The following ZNF311 variants were observed in gnomAD, a reference collection of about 807,000 sequenced individuals.
The protein encoded by ZNF311 is zinc finger protein zfp31.
Under a neutral mutation model 22.7 loss-of-function variants are expected in ZNF311, and 14 were observed. The ratio of observed to expected loss-of-function variants is 0.62; its 90% CI spans 0.41 to 0.96. ZNF311 has a LOEUF of 0.96. ZNF311 is among the 40% of genes least tolerant of loss of function. ZNF311 has a pLI of 0.00. For synonymous variants in ZNF311, 250 were observed against 275.3 expected (o/e 0.91, Z 0.91); for missense variants, 731 against 799.0 (o/e 0.91, Z 1.03).
Position 29,004,183 on chromosome 6 carries a change from A to C in ZNF311, c.-229T>G. 7.0e-7 allele frequency: 1 copy of C among 1,437,432 alleles called. No homozygotes were observed. The highest frequency in any genetic ancestry group is 9.1e-7 in the Non-Finnish European group (1 of 1,100,948). The allele number at this position is 1,437,432 out of a possible 1,614,324, so 89.0% of individuals were successfully genotyped here. On this transcript the variant is annotated 5_prime_UTR_variant, in exon 2 of 7. Coordinates refer to ENST00000377179, the MANE Select transcript of ZNF311 (RefSeq NM_001382360.1). ...CCTGGATTTGGGGTTCATTAGCAACACTAAACCGCTGTGATCTCACATCTT... is the reference window on the plus strand; with the variant it reads ...CCTGGATTTGGGGTTCATTAGCAACCCTAAACCGCTGTGATCTCACATCTT...
intron 5 of ZNF311, among the ~76,000 whole-genome samples, chr6:28,999,098 T>A (rs1005357370): frequency 1.3e-5 from 2 of 151,262 alleles, no homozygotes; most frequent in South Asian, 2.1e-4. Context: ...TTTTTTTTTT[T>A]AATTTTATTT....
In ZNF311 at chr6:28,995,306, G is replaced by A; in HGVS notation, c.1696C>T (p.His566Tyr). ...KCEVCGMAFH[H>Y]SSVLRQHKRI... ...TTGTGCTGCCTCAGGACTGAACTATGATGGAAGGCCATTCCACATACCTCA... is the reference window on the plus strand; with the variant it reads ...TTGTGCTGCCTCAGGACTGAACTATAATGGAAGGCCATTCCACATACCTCA... Residue 566 changes from histidine to tyrosine, a missense_variant, in exon 7 of 7, where the codon CAT becomes TAT. Coordinates refer to ENST00000377179, the MANE Select transcript of ZNF311 (RefSeq NM_001382360.1). The surrounding 1 kb of genome is among the most constrained non-coding windows in gnomAD (Gnocchi z 4.7). The A allele has an allele frequency of 6.2e-7, 1 of 1,613,904 alleles. No individual in the cohort carries two copies. Among genetic ancestry groups the A allele is most frequent in the Non-Finnish European group, 8.5e-7 (1 of 1,180,030 alleles).
At position 28,995,142 on chromosome 6, in the gene ZNF311, A is replaced by G; in HGVS notation, c.1860T>C (p.Phe620=). ...GTCCAGTAAGATTTGAGCTCACTCT[A>G]AAAGCTTTTCCACATTCCTCACATT... ...PYECEECGKA[F]RVSSNLTGHK... Residue 620 remains phenylalanine (F), a synonymous_variant, in exon 7 of 7, where the codon TTT becomes TTC. Coordinates refer to ENST00000377179, the MANE Select transcript of ZNF311 (RefSeq NM_001382360.1). The surrounding 1 kb of genome is among the most constrained non-coding windows in gnomAD (Gnocchi z 4.7). The G allele has an allele frequency of 6.2e-7, 1 of 1,614,034 alleles. No homozygotes were observed. Among genetic ancestry groups the G allele is most frequent in the Non-Finnish European group, 8.5e-7 (1 of 1,180,040 alleles).
In ZNF311 at chr6:28,999,581, G is replaced by C. The variant is rs1394422473; in HGVS notation, c.216C>G (p.Asn72Lys). ...ESVTFEDVAVNFTNREWQCLT... is the reference protein window; with the variant it reads ...ESVTFEDVAVKFTNREWQCLT... ...GACACTGCCACTCCCTGTTAGTGAA[G>C]TTCACAGCTACATCCTCAAATGTCA... Residue 72 changes from asparagine (N) to lysine (K), a missense_variant, in exon 5 of 7, where the codon AAC (asparagine) becomes AAG (lysine). By Grantham distance (94) the Asn-to-Lys change is moderately conservative (BLOSUM62 0). Coordinates refer to ENST00000377179, the MANE Select transcript of ZNF311 (RefSeq NM_001382360.1). The C allele has an allele frequency of 1.9e-6, 3 of 1,613,640 alleles. No individual in the cohort carries two copies. The African/African-American group carries it at 4.0e-5, about 22-fold the overall frequency.
Position 29,004,158 on chromosome 6 carries a change from C to G in ZNF311, c.-204G>C. ...TTTGGCTTAATGTGTCAAACACTGC[C>G]CTGGATTTGGGGTTCATTAGCAACA... On this transcript the variant is annotated 5_prime_UTR_variant, in exon 2 of 7. Coordinates refer to ENST00000377179, the MANE Select transcript of ZNF311 (RefSeq NM_001382360.1). The G allele has an allele frequency of 6.9e-7, 1 of 1,458,078 alleles. No homozygotes were observed. Among genetic ancestry groups the G allele is most frequent in the Non-Finnish European group, 9.0e-7 (1 of 1,109,974 alleles). 90.3% of individuals were successfully genotyped at this position (1,458,078 alleles called of 1,614,324 possible).
chr6:29,003,357 T>A (rs1242052475), intron 3 of ZNF311, among the ~76,000 whole-genome samples, 156 bp downstream of exon 3: 1 of 152,206 alleles, frequency 6.6e-6, no homozygotes, highest in African/African-American at 2.4e-5. Context: ...CTCTAGATAT[T>A]GATCCAAGCC....
intron 2 of ZNF311, 100 bp downstream of exon 2, chr6:29,003,846 T>C: frequency 6.2e-7 from 1 of 1,611,206 alleles, no homozygotes; most frequent in East Asian, 2.2e-5. Context: ...CAACAGTATC[T>C]AGAGTCAGAC....
intron 6 of ZNF311, among the ~76,000 whole-genome samples, chr6:28,997,986 A>G (rs1779869060): frequency 6.6e-6 from 1 of 152,140 alleles, no homozygotes; most frequent in African/African-American, 2.4e-5. Flanking sequence ...TCTACTACTT[A>G]TGAACCTCCC....
rs1779637678 is a variant in ZNF311, at chr6:28,996,560, T to G, written c.442A>C (p.Asn148His). ...PVSADKMWPE[N>H]EKASSQQEIF... is the part of the protein sequence containing the mutation. ...TCTTGTTGTGAACTTGCCTTTTCAT[T>G]CTCAGGCCACATCTTGTCAGCTGAC... Residue 148 changes from asparagine (N) to histidine (H), a missense_variant, in exon 7 of 7, where the codon AAT becomes CAT. Asn to His is a moderately conservative substitution (Grantham distance 68, BLOSUM62 1). Transcript: ENST00000377179. 6.2e-7 allele frequency: 1 copy of G among 1,600,742 alleles called. No homozygotes were observed. The highest frequency in any genetic ancestry group is 1.7e-5 in the Admixed American group (1 of 58,994).
chr6:28,994,864 G>A lies in ZNF311; in HGVS notation c.*137C>T. ...TAAATGTGCTCACTGAAAAAATAGT[G>A]AATAAGAAGGTAAAGGACAATGTCT... On this transcript the variant is annotated 3_prime_UTR_variant, in exon 7 of 7. Coordinates refer to ENST00000377179, the MANE Select transcript of ZNF311 (RefSeq NM_001382360.1). The A allele has an allele frequency of 1.0e-6, 1 of 992,372 alleles. No individual in the cohort carries two copies. Among genetic ancestry groups the A allele is most frequent in the Non-Finnish European group, 1.4e-6 (1 of 703,278 alleles). 61.5% of individuals were successfully genotyped at this position (992,372 alleles called of 1,614,324 possible).
At position 29,002,620 on chromosome 6, in the gene ZNF311, A is replaced by ATT. The variant is rs35452431; in HGVS notation, c.91+891_91+892dup. 4.0e-3 allele frequency among the ~76,000 whole-genome samples: 534 copies of ATT among 132,824 alleles called. 5 individuals carry two copies. Among genetic ancestry groups the ATT allele is most frequent in the Middle Eastern group, 0.033 (8 of 244 alleles). 87.1% of individuals were successfully genotyped at this position (132,824 alleles called of 152,430 possible). On this transcript the variant is annotated intron_variant, in intron 3 of 6. Coordinates refer to ENST00000377179, the MANE Select transcript of ZNF311 (RefSeq NM_001382360.1). ...CTCCTAGGTTGCACCTCCAACAGCA[A>ATT]TTTTTTTTTTTTTTTTTTTAGACAG... is the stretch of plus-strand genomic sequence containing the variant.
In ZNF311 at chr6:28,994,974, CAG is replaced by C. The variant is rs1408765802; in HGVS notation, c.*25_*26del. 1.3e-6 allele frequency: 2 copies of C among 1,552,278 alleles called. No homozygotes were observed. The highest frequency in any genetic ancestry group is 1.4e-5 in the African/African-American group (1 of 72,994). ...GGACCAGCCTAAGAGGTAGGAAAAA[CAG>C]AAAGTAACACCAGAATCGTTATACT... On this transcript the variant is annotated 3_prime_UTR_variant, in exon 7 of 7. Coordinates refer to ENST00000377179, the MANE Select transcript of ZNF311 (RefSeq NM_001382360.1).
At chr6:29,002,350 AT>A (rs1233678944) in intron 3 of ZNF311, among the ~76,000 whole-genome samples, 2 of 152,128 alleles carry the variant, frequency 1.3e-5, no homozygotes, top group Non-Finnish European at 2.9e-5. Context: ...ATTATTTTTT[AT>A]TTCTAAATCT....
Position 28,994,822 on chromosome 6 carries a change from TGATA to T in ZNF311, c.*175_*178del. 1.5e-6 allele frequency: 1 copy of T among 662,898 alleles called. No individual in the cohort carries two copies. Among genetic ancestry groups the T allele is most frequent in the African/African-American group, 1.8e-5 (1 of 55,376 alleles). The allele number at this position is 662,898 out of a possible 1,614,324, so 41.1% of individuals were successfully genotyped here. Reference sequence around the variant, plus strand: ...GTGTTTATTAATATTAGGAAGTGATTGATAAACTCTTGGAAGTAAATGTGCTCAC... The same window carrying T: ...GTGTTTATTAATATTAGGAAGTGATTAACTCTTGGAAGTAAATGTGCTCAC... On this transcript the variant is annotated 3_prime_UTR_variant, in exon 7 of 7. Coordinates refer to ENST00000377179, the MANE Select transcript of ZNF311 (RefSeq NM_001382360.1).
In ZNF311 at chr6:28,995,868, G is replaced by A. The variant is rs771498517; in HGVS notation, c.1134C>T (p.Gly378=). 5 of 1,613,828 alleles carry A rather than the reference G, an allele frequency of 3.1e-6. No homozygotes were observed. The highest frequency in any genetic ancestry group is 1.7e-4 in the Middle Eastern group (1 of 6,060). ...ATGGCTTCTCCCCAGTGTGGATTCT[G>A]CCATGGATGGTAAGGGAATGCTTAA... is the stretch of plus-strand genomic sequence containing the variant. ...FQFKHSLTIH[G]RIHTGEKPYE... is the part of the protein sequence containing the mutation. Residue 378 remains glycine, a synonymous_variant, in exon 7 of 7, where the codon GGC becomes GGT. Transcript: ENST00000377179. This position sits in a 1 kb window ranked among gnomAD's most constrained non-coding sequence, Gnocchi z 4.7.
rs1219348128 is a variant in ZNF311 at position 28,995,186 on chromosome 6, T to C, written c.1816A>G (p.Thr606Ala). The C allele has an allele frequency of 6.2e-7, 1 of 1,614,122 alleles. No homozygotes were observed. The highest frequency in any genetic ancestry group is 1.1e-5 in the South Asian group (1 of 91,078). ...TCACATTCATAAGGTTTCTCCCCAG[T>C]ATGAACTCGCTTATGTCCAATCAGA... Reference protein sequence around the residue: ...SALIGHKRVHTGEKPYECEEC... With the variant: ...SALIGHKRVHAGEKPYECEEC... The change falls in exon 7 of 7, where the codon ACT becomes GCT. Residue 606 changes from threonine to alanine, a missense_variant. Physicochemically the swap from Thr to Ala is moderately conservative, Grantham distance 58. Coordinates refer to ENST00000377179, the MANE Select transcript of ZNF311 (RefSeq NM_001382360.1). This position sits in a 1 kb window ranked among gnomAD's most constrained non-coding sequence, Gnocchi z 4.7.
chr6:29,004,307 T>A, intron 1 of ZNF311, 93 bp from the exon 2 acceptor site: 1 of 889,248 alleles, frequency 1.1e-6, no homozygotes, highest in Non-Finnish European at 1.5e-6. Context: ...ACTGAAAATG[T>A]GAACATATCC....
chr6:28,998,860 G>A (rs931702104), intron 5 of ZNF311, 22 bp from the exon 6 acceptor site: 5 of 1,546,780 alleles, frequency 3.2e-6, no homozygotes, highest in Non-Finnish European at 4.5e-6. Flanking sequence ...GAAGAAATAA[G>A]TGTGTAGAGT....
In ZNF311 at chr6:29,004,170, G is replaced by T; in HGVS notation, c.-216C>A. 2.1e-6 allele frequency: 3 copies of T among 1,445,950 alleles called. No individual in the cohort carries two copies. Among genetic ancestry groups the T allele is most frequent in the Non-Finnish European group, 2.7e-6 (3 of 1,104,826 alleles). The allele number at this position is 1,445,950 out of a possible 1,614,324, so 89.6% of individuals were successfully genotyped here. ...TGTCAAACACTGCCCTGGATTTGGG[G>T]TTCATTAGCAACACTAAACCGCTGT... On this transcript the variant is annotated 5_prime_UTR_variant, in exon 2 of 7. Coordinates refer to ENST00000377179, the MANE Select transcript of ZNF311 (RefSeq NM_001382360.1).
Sources: allele counts gnomAD v4.1 joint callset (sites outside exome capture counted in the v4.1 genomes callset), GRCh38; gene constraint gnomAD v4.1.1; non-coding constraint Gnocchi (gnomAD v3.1); transcripts MANE v1.5; gene names NCBI Gene and HGNC (gene_info 2026-07-23, HGNC 2026-07-21).